The following CFDP1 variants were observed in gnomAD, a reference collection of about 807,000 sequenced individuals.
CFDP1 encodes heterochromatin-stabilizing protein CFDP1.
In CFDP1, 31 loss-of-function variants were observed where a neutral mutation model predicts 40.1. The ratio of observed to expected loss-of-function variants is 0.77; its 90% CI spans 0.58 to 1.04. The LOEUF (loss-of-function observed/expected upper bound fraction) is 1.04, where lower values mean the gene tolerates loss of function less well. Among genes scored for constraint, CFDP1 ranks in the 50% least tolerant of loss-of-function variants. The probability of loss-of-function intolerance (pLI) is 0.00; values close to 1 mark genes in which losing one functional copy is unlikely to be tolerated. For synonymous variants in CFDP1, 167 were observed against 120.0 expected, an observed-to-expected ratio of 1.39 and a Z score of -2.56; for missense variants, 423 against 343.4, an observed-to-expected ratio of 1.23 and a Z score of -1.83.
Position 75,414,736 on chromosome 16 carries a change from T to C in CFDP1, c.65-41A>G, listed in dbSNP as rs532590792. On this transcript the variant is annotated intron_variant, in intron 1 of 6. Transcript: ENST00000283882. ...AGGGTGATCAGACAGGAATAAAGGT[T>C]TTCACATCAAGATGAGACATTTTCA... 9 of 1,314,456 alleles carry C rather than the reference T, an allele frequency of 6.8e-6. No individual in the cohort carries two copies. The South Asian group carries it at 1.1e-4, about 16-fold the overall frequency. 81.4% of individuals were successfully genotyped at this position (1,314,456 alleles called of 1,614,324 possible). A position where few individuals can be genotyped will look rare whatever the true frequency, so the allele number is the denominator to read the frequency against.
chr16:75,412,622 G>A lies in CFDP1; in HGVS notation c.315C>T (p.Ala105=). Residue 105 remains alanine, a synonymous_variant, in exon 3 of 7, where the codon GCC becomes GCT. Transcript: ENST00000283882. ...AGAGTTCGTCCTCCTTCTTTTTCCT[G>A]GCATCCTCTGATCCAATGCCTTTTT... The part of the protein sequence containing the change: ...EQEKGIGSED[A]RKKKEDELWA... 1 of 1,613,970 alleles carries A rather than the reference G, an allele frequency of 6.2e-7. No individual in the cohort carries two copies. The highest frequency in any genetic ancestry group is 8.5e-7 in the Non-Finnish European group (1 of 1,179,992).
intron 5 of CFDP1, among the ~76,000 whole-genome samples, chr16:75,318,502 T>C (rs1185519210): frequency 2.0e-5 from 3 of 150,844 alleles, no homozygotes; most frequent in Non-Finnish European, 4.4e-5. Flanking sequence ...GCCTCCTGGG[T>C]TCACGCCATT....
intron 4 of CFDP1, among the ~76,000 whole-genome samples, chr16:75,409,676 A>C (rs1378477729): frequency 1.3e-5 from 2 of 152,130 alleles, no homozygotes; most frequent in African/African-American, 4.8e-5. Flanking sequence ...GACACGTGCT[A>C]AAGTATTAAA....
chr16:75,353,890 A>C (rs1007509019), intron 5 of CFDP1, among the ~76,000 whole-genome samples: 3 of 152,022 alleles, frequency 2.0e-5, no homozygotes, highest in African/African-American at 7.2e-5. Context: ...CTTCAGTTTT[A>C]AAGCTTTTTG....
At chr16:75,365,602 A>G (rs2078708016) in intron 5 of CFDP1, among the ~76,000 whole-genome samples, 1 of 152,198 alleles carries the variant, frequency 6.6e-6, no homozygotes. Flanking sequence ...TTGTAGCACT[A>G]GCTACTCAGG....
chr16:75,429,042 G>A (rs979866513), intron 1 of CFDP1, among the ~76,000 whole-genome samples: 5 of 151,690 alleles, frequency 3.3e-5, no homozygotes, highest in Non-Finnish European at 7.4e-5. Context: ...GCTTAAACCC[G>A]GGAAGTGGAG....
rs1179595129 is a variant in CFDP1, at chr16:75,303,396, AATAAATGTATGT to A, written c.809+1616_809+1627del. Among the ~76,000 whole-genome samples the A allele has an allele frequency of 6.7e-4, 40 of 60,090 alleles. 1 individual carries two copies. Among genetic ancestry groups the A allele is most frequent in the African/African-American group, 1.5e-3 (39 of 25,836 alleles). 39.4% of individuals were successfully genotyped at this position (60,090 alleles called of 152,430 possible). ...AAATAAATAAATAAATAAATAAATA[AATAAATGTATGT>A]ATGTATGTATGTATGTATGTTTAGG... On this transcript the variant is annotated intron_variant, in intron 6 of 6. Coordinates refer to ENST00000283882, the MANE Select transcript of CFDP1 (RefSeq NM_006324.3).
chr16:75,423,554 G>A (rs141671497), intron 1 of CFDP1, among the ~76,000 whole-genome samples: 61 of 151,864 alleles, frequency 4.0e-4, no homozygotes, highest in African/African-American at 1.4e-3. Context: ...TCACTCTGTC[G>A]CCCAGGCTGG....
intron 5 of CFDP1, among the ~76,000 whole-genome samples, chr16:75,392,450 C>CA (rs1379397626): frequency 2.0e-5 from 3 of 152,130 alleles, no homozygotes; most frequent in Non-Finnish European, 2.9e-5. Context: ...AGCTTGTTAC[C>CA]AGGTATAAGC....
At chr16:75,380,398 G>A (rs1163506073) in intron 5 of CFDP1, among the ~76,000 whole-genome samples, 4 of 152,106 alleles carry the variant, frequency 2.6e-5, no homozygotes, top group Non-Finnish European at 4.4e-5. Context: ...GGTTACAGCC[G>A]GCAGGGTGGG....
Position 75,411,924 on chromosome 16 carries a change from G to C in CFDP1, c.431C>G (p.Ser144Ter), listed in dbSNP as rs2079166409. The C allele has an allele frequency of 6.2e-7, 1 of 1,609,776 alleles. No individual in the cohort carries two copies. The highest frequency in any genetic ancestry group is 8.5e-7 in the Non-Finnish European group (1 of 1,178,864). Residue 144 changes from serine (S) to a stop codon, truncating the protein, a stop_gained, in exon 4 of 7, where the codon TCA becomes TGA. Coordinates refer to ENST00000283882, the MANE Select transcript of CFDP1 (RefSeq NM_006324.3). LOFTEE classifies it high-confidence loss of function. ...KKGEETEETS[S>*]SKLLVKAEEL... is the part of the protein sequence containing the mutation. ...TTCTGCTTTTACCAACAATTTACTT[G>C]AACTTGTCTCTTCAGTCTCCTCTCC...
chr16:75,318,441 T>G (rs2078339412), intron 5 of CFDP1, among the ~76,000 whole-genome samples: 1 of 149,884 alleles, frequency 6.7e-6, no homozygotes, highest in Non-Finnish European at 1.5e-5. Flanking sequence ...AGTCTCACTC[T>G]GTCGCCCAGG....
chr16:75,346,439 C>T (rs977228477), intron 5 of CFDP1, among the ~76,000 whole-genome samples: 4 of 151,410 alleles, frequency 2.6e-5, no homozygotes, highest in East Asian at 1.9e-4. Flanking sequence ...AAAAATTAGC[C>T]GGGCGTGGTG....
chr16:75,335,635 C>G (rs1015582741), intron 5 of CFDP1, among the ~76,000 whole-genome samples: 1 of 150,558 alleles, frequency 6.6e-6, no homozygotes, highest in Non-Finnish European at 1.5e-5. Context: ...CGGCTCACTG[C>G]AAGCTCCGCC....
At chr16:75,320,322 T>C (rs1194624784) in intron 5 of CFDP1, among the ~76,000 whole-genome samples, 3 of 152,146 alleles carry the variant, frequency 2.0e-5, no homozygotes, top group Non-Finnish European at 4.4e-5. Context: ...AACGTGTAAC[T>C]ATGACTGAAG....
intron 4 of CFDP1, among the ~76,000 whole-genome samples, chr16:75,408,644 C>T (rs2079126659): frequency 6.6e-6 from 1 of 151,618 alleles, no homozygotes; most frequent in African/African-American, 2.4e-5. Flanking sequence ...GGCACGCTGG[C>T]AGGCACCTGT....
At chr16:75,419,666 C>G (rs1308729838) in intron 1 of CFDP1, among the ~76,000 whole-genome samples, 1 of 152,140 alleles carries the variant, frequency 6.6e-6, no homozygotes, top group East Asian at 1.9e-4. Context: ...GCAGAAGATA[C>G]AGGTCATAAA....
chr16:75,426,026 A>C (rs1362402805), intron 1 of CFDP1, among the ~76,000 whole-genome samples: 16 of 112,948 alleles, frequency 1.4e-4, no homozygotes, highest in Admixed American at 4.0e-4. Context: ...ACAGAGCAAC[A>C]CTCTGTCTCA....
intron 5 of CFDP1, among the ~76,000 whole-genome samples, chr16:75,385,481 C>T (rs2151553625): frequency 6.6e-6 from 1 of 150,804 alleles, no homozygotes; most frequent in Admixed American, 6.6e-5. Context: ...TTTTGTATCC[C>T]AAGGAAAAAA....
Sources: gnomAD v4.1 joint callset for allele counts (sites outside exome capture counted in the v4.1 genomes callset) on GRCh38, gnomAD v4.1.1 for gene constraint, MANE v1.5 for transcripts, NCBI Gene and HGNC (gene_info 2026-07-23, HGNC 2026-07-21) for gene names.